The following ADCK1 variants were observed in gnomAD, a reference collection of about 807,000 sequenced individuals.
ADCK1 encodes the protein aarF domain containing kinase 1.
Under a neutral mutation model 52.3 loss-of-function variants are expected in ADCK1, and 41 were observed. The observed-to-expected ratio is 0.78, with a 90% CI of 0.61 to 1.02. The LOEUF (loss-of-function observed/expected upper bound fraction) is 1.02. Ranked by LOEUF, ADCK1 falls within the 50% of genes least tolerant of loss-of-function variation. ADCK1 has a pLI of 0.00. For missense variants in ADCK1, 658 were observed against 679.5 expected, an observed-to-expected ratio of 0.97 and a Z score of 0.35; for synonymous variants, 250 against 274.6, an observed-to-expected ratio of 0.91 and a Z score of 0.89.
At chr14:77,931,842 GCA>G (rs2084348857) in intron 10 of ADCK1, 131 bp downstream of exon 10, 3 of 980,656 alleles carry the variant, frequency 3.1e-6, no homozygotes, top group Non-Finnish European at 4.4e-6. Context: ...AGATATCCCT[GCA>G]GGCAAAGTTA....
intron 4 of ADCK1, among the ~76,000 whole-genome samples, chr14:77,876,051 G>GC (rs755980327): frequency 2.6e-5 from 4 of 152,080 alleles, no homozygotes; most frequent in Non-Finnish European, 5.9e-5. Context: ...TTTGTAAAGG[G>GC]CCTGCATGAG....
Position 77,927,972 on chromosome 14 carries a change from C to T in ADCK1, c.1206+2011C>T, listed in dbSNP as rs542480576. Among the ~76,000 whole-genome samples, 10 of 152,242 alleles carry T rather than the reference C, an allele frequency of 6.6e-5. No individual in the cohort carries two copies. The East Asian group carries it at 1.9e-3, about 29-fold the overall frequency. On this transcript the variant is annotated intron_variant, in intron 9 of 10. Coordinates refer to ENST00000238561, the MANE Select transcript of ADCK1 (RefSeq NM_020421.4). ...GCTTGCTCTTTTTAAGTATCTCTCT[C>T]GAGTGGGGTGAGATGAGTGGTGGCG...
At chr14:77,879,336 A>G (rs1030113369) in intron 4 of ADCK1, among the ~76,000 whole-genome samples, 4 of 152,240 alleles carry the variant, frequency 2.6e-5, no homozygotes, top group African/African-American at 7.2e-5. Context: ...GTAAATGTGC[A>G]GCTGTGGCGA....
rs144234400 is a variant in ADCK1 at position 77,818,707 on chromosome 14, C to T, written c.-11-261C>T. Among the ~76,000 whole-genome samples the T allele has an allele frequency of 2.8e-4, 43 of 152,302 alleles. No homozygotes were observed. In the East Asian group the frequency reaches 7.7e-3, roughly 27 times the overall value. On this transcript the variant is annotated intron_variant, in intron 1 of 10. Transcript: ENST00000238561. ...TCTTTCCCCATGTCTAGAACAGTGC[C>T]TGGCACTGTTGAAGGAAGGACTTTG...
At chr14:77,811,016 C>T (rs935091559) in intron 1 of ADCK1, among the ~76,000 whole-genome samples, 8 of 151,650 alleles carry the variant, frequency 5.3e-5, no homozygotes, top group African/African-American at 1.2e-4. Flanking sequence ...ACCTGTGTCT[C>T]GGTGGAAACA....
At chr14:77,912,812 G>A (rs750980436) in intron 7 of ADCK1, among the ~76,000 whole-genome samples, 3 of 152,214 alleles carry the variant, frequency 2.0e-5, no homozygotes, top group East Asian at 3.9e-4. Context: ...GCCTCACTCC[G>A]CTTTGAAGAG....
chr14:77,868,279 A>G (rs2082704267), intron 4 of ADCK1, among the ~76,000 whole-genome samples: 1 of 152,178 alleles, frequency 6.6e-6, no homozygotes, highest in African/African-American at 2.4e-5. Context: ...ACAGGACTAG[A>G]ACCCAGGTCT....
At chr14:77,814,695 CAAAAAAAAAAAA>C (rs995163952) in intron 1 of ADCK1, among the ~76,000 whole-genome samples, 1 of 35,922 alleles carries the variant, frequency 2.8e-5, no homozygotes, top group Non-Finnish European at 5.5e-5. Context: ...AAGACACTCT[CAAAAAAAAAAAA>C]AAAAAAAAAA....
intron 4 of ADCK1, among the ~76,000 whole-genome samples, chr14:77,877,076 G>T (rs2082916981): frequency 6.6e-6 from 1 of 152,214 alleles, no homozygotes; most frequent in South Asian, 2.1e-4. Context: ...TTAGCCGGGT[G>T]TGGTGATGCG....
chr14:77,843,251 GAAA>G (rs1379041387), intron 3 of ADCK1, among the ~76,000 whole-genome samples: 3 of 152,068 alleles, frequency 2.0e-5, no homozygotes, highest in Non-Finnish European at 4.4e-5. Flanking sequence ...TTGAGGAAAT[GAAA>G]AAGACTCCTG....
Position 77,908,117 on chromosome 14 carries a change from G to A in ADCK1, c.858+198G>A, listed in dbSNP as rs2083709923. ...TTAGGCCAGCCCTGTGCACACAGCG[G>A]CCTGCAGGGACATGCTGAACCCCTT... On this transcript the variant is annotated intron_variant, in intron 7 of 10. Transcript: ENST00000238561. The A allele has an allele frequency of 1.6e-5, 8 of 487,398 alleles. No individual in the cohort carries two copies. The East Asian group carries it at 2.9e-4, about 18-fold the overall frequency. The allele number at this position is 487,398 out of a possible 1,614,324, so 30.2% of individuals were successfully genotyped here.
chr14:77,839,426 G>T (rs568892699), intron 3 of ADCK1, among the ~76,000 whole-genome samples: 1 of 152,286 alleles, frequency 6.6e-6, no homozygotes, highest in South Asian at 2.1e-4. Flanking sequence ...TCAGGATCTG[G>T]ATGGGGGTGG....
In ADCK1 at chr14:77,912,425, C is replaced by T. The variant is rs192318857; in HGVS notation, c.858+4506C>T. Among the ~76,000 whole-genome samples, 231 of 134,522 alleles carry T rather than the reference C, an allele frequency of 1.7e-3. 1 individual carries two copies. Among genetic ancestry groups the T allele is most frequent in the Non-Finnish European group, 3.0e-3 (190 of 64,026 alleles). The allele number at this position is 134,522 out of a possible 152,430, so 88.3% of individuals were successfully genotyped here. A position where few individuals can be genotyped will look rare whatever the true frequency, so the allele number is the denominator to read the frequency against. ...ATCAAAGCCACGGCCTTGAAGACTA[C>T]GGAGGAGCGTGTGTGTGTGTGTGTG... is the stretch of plus-strand genomic sequence containing the variant. On this transcript the variant is annotated intron_variant, in intron 7 of 10. Transcript: ENST00000238561.
intron 3 of ADCK1, among the ~76,000 whole-genome samples, chr14:77,836,365 A>T (rs1477176092): frequency 6.6e-6 from 1 of 152,198 alleles, no homozygotes; most frequent in Non-Finnish European, 1.5e-5. Context: ...CTTCTGCTGC[A>T]CTGTACTTAG....
chr14:77,902,776 T>C (rs1483582150), intron 6 of ADCK1: 1 of 152,230 alleles, frequency 6.6e-6, no homozygotes, highest in Admixed American at 6.5e-5. Flanking sequence ...GTATTGACTA[T>C]AGGCAATATA....
chr14:77,880,680 T>C (rs1327309218), intron 4 of ADCK1, among the ~76,000 whole-genome samples: 4 of 152,146 alleles, frequency 2.6e-5, no homozygotes, highest in Non-Finnish European at 5.9e-5. Flanking sequence ...ATCAGAGGTC[T>C]CCTCTTCTTA....
At chr14:77,801,356 G>A (rs1331382393) in intron 1 of ADCK1, among the ~76,000 whole-genome samples, 2 of 152,156 alleles carry the variant, frequency 1.3e-5, no homozygotes, top group Admixed American at 6.6e-5. Flanking sequence ...ACCTGGTTAC[G>A]GGTCTTTCTG....
intron 3 of ADCK1, among the ~76,000 whole-genome samples, chr14:77,824,543 C>T (rs1161522338): frequency 6.6e-6 from 1 of 151,002 alleles, no homozygotes; most frequent in African/African-American, 2.4e-5. Context: ...AAGCAATTCT[C>T]CTCCCTCAGC....
At chr14:77,837,148 A>C (rs1456844285) in intron 3 of ADCK1, among the ~76,000 whole-genome samples, 2 of 118,158 alleles carry the variant, frequency 1.7e-5, no homozygotes, top group Non-Finnish European at 3.5e-5. Context: ...CTCATCTTAA[A>C]AATTCTTTTT....
Sources: gnomAD v4.1 joint callset for allele counts (sites outside exome capture counted in the v4.1 genomes callset) on GRCh38, gnomAD v4.1.1 for gene constraint, MANE v1.5 for transcripts, NCBI Gene and HGNC (gene_info 2026-07-23, HGNC 2026-07-21) for gene names.